Variants in SNTG1 observed in about 807,000 individuals in gnomAD.
The protein encoded by SNTG1 is gamma-1-syntrophin.
A neutral mutation model predicts 74.7 loss-of-function variants in SNTG1; 39 were observed. The observed-to-expected ratio is 0.52, with a 90% CI of 0.40 to 0.68. SNTG1 has a LOEUF of 0.68. Ranked by LOEUF, SNTG1 falls within the 30% of genes least tolerant of loss-of-function variation. SNTG1 has a pLI of 0.00. For synonymous variants in SNTG1, 254 were observed against 217.1 expected, an observed-to-expected ratio of 1.17 and a Z score of -1.49; for missense variants, 685 against 609.5, an observed-to-expected ratio of 1.12 and a Z score of -1.30.
At chr8:50,452,278 A>C (rs1436343737) in intron 8 of SNTG1, among the ~76,000 whole-genome samples, 8 of 152,226 alleles carry the variant, frequency 5.3e-5, no homozygotes, top group African/African-American at 1.9e-4. Context: ...GTTTCCTACA[A>C]ATATGTGCAA....
At chr8:50,642,413 C>T (rs1048486916) in intron 13 of SNTG1, among the ~76,000 whole-genome samples, 4 of 152,148 alleles carry the variant, frequency 2.6e-5, no homozygotes, top group Admixed American at 1.3e-4. Context: ...CAATGGCTTG[C>T]AGGGTGACTC....
At chr8:49,983,901 G>A (rs879659159) in intron 1 of SNTG1, among the ~76,000 whole-genome samples, 3 of 152,186 alleles carry the variant, frequency 2.0e-5, no homozygotes, top group Non-Finnish European at 4.4e-5. Context: ...TGAATGGGGG[G>A]TACTGTTATC....
intron 2 of SNTG1, among the ~76,000 whole-genome samples, chr8:50,222,815 T>C (rs2085137160): frequency 6.6e-6 from 1 of 152,142 alleles, no homozygotes; most frequent in Non-Finnish European, 1.5e-5. Context: ...TGACCACAGT[T>C]GCAGACAGAA....
chr8:50,500,443 A>G (rs1175358702), intron 8 of SNTG1, among the ~76,000 whole-genome samples: 1 of 152,120 alleles, frequency 6.6e-6, no homozygotes, highest in Non-Finnish European at 1.5e-5. Context: ...TTTTCACTTG[A>G]ATCAAAAAGC....
At position 50,631,531 on chromosome 8, in the gene SNTG1, G is replaced by A. The variant is rs559745418; in HGVS notation, c.850-25378G>A. On this transcript the variant is annotated intron_variant, in intron 13 of 18. Coordinates refer to ENST00000642720, the MANE Select transcript of SNTG1 (RefSeq NM_018967.5). ...AATTAACAGTGAATGACTCTGAATC[G>A]CAAAACCAAAGGACTTATTCAAGGG... 4.3e-3 allele frequency among the ~76,000 whole-genome samples: 656 copies of A among 152,140 alleles called. 9 individuals carry two copies. The highest frequency in any genetic ancestry group is 0.014 in the African/African-American group (589 of 41,508).
chr8:50,086,311 C>T (rs1822881448), intron 1 of SNTG1, among the ~76,000 whole-genome samples: 1 of 151,942 alleles, frequency 6.6e-6, no homozygotes, highest in Non-Finnish European at 1.5e-5. Context: ...ACCATGGGTA[C>T]AGAGGAAGAA....
intron 18 of SNTG1, among the ~76,000 whole-genome samples, chr8:50,763,265 T>G (rs998463206): frequency 5.3e-5 from 8 of 151,882 alleles, no homozygotes; most frequent in Admixed American, 5.3e-4. Flanking sequence ...GGGTAGAAAC[T>G]TCTAGGTTCT....
intron 1 of SNTG1, among the ~76,000 whole-genome samples, chr8:49,960,281 G>A (rs1330525987): frequency 6.6e-6 from 1 of 152,104 alleles, no homozygotes; most frequent in Non-Finnish European, 1.5e-5. Flanking sequence ...AATATCTATT[G>A]AGCATAAATA....
chr8:50,022,473 G>A (rs143912781), intron 1 of SNTG1, among the ~76,000 whole-genome samples: 1 of 152,248 alleles, frequency 6.6e-6, no homozygotes, highest in African/African-American at 2.4e-5. Context: ...GGGATTCCAG[G>A]GAAAGTAGAA....
At chr8:50,707,037 C>G (rs576193864) in intron 16 of SNTG1, among the ~76,000 whole-genome samples, 1 of 151,888 alleles carries the variant, frequency 6.6e-6, no homozygotes, top group African/African-American at 2.4e-5. Context: ...CAATATTAAA[C>G]ATATTAACTA....
intron 2 of SNTG1, among the ~76,000 whole-genome samples, chr8:50,327,260 G>A (rs78936880): frequency 0.052 from 7,958 of 152,194 alleles, 242 homozygotes; most frequent in Middle Eastern, 0.12. Flanking sequence ...TGGTAGAGGG[G>A]TGTTTAAGTT....
intron 1 of SNTG1, among the ~76,000 whole-genome samples, chr8:49,929,387 C>A (rs1807342840): frequency 1.3e-5 from 2 of 152,228 alleles, no homozygotes; most frequent in Admixed American, 6.5e-5. Context: ...GAAGGCAAGC[C>A]CGCATCTATG....
intron 1 of SNTG1, among the ~76,000 whole-genome samples, chr8:50,004,444 C>G (rs535335098): frequency 6.6e-6 from 1 of 152,082 alleles, no homozygotes; most frequent in Non-Finnish European, 1.5e-5. Flanking sequence ...TAAATATTTT[C>G]CAGAATCTAG....
intron 16 of SNTG1, 166 bp from the exon 17 acceptor site, chr8:50,708,720 T>G: frequency 3.5e-6 from 2 of 574,930 alleles, no homozygotes; most frequent in Non-Finnish European, 3.1e-6. Flanking sequence ...TCAGCTTCTG[T>G]TTCATTAACA....
At chr8:50,780,648 A>T (rs961766140) in intron 18 of SNTG1, among the ~76,000 whole-genome samples, 1 of 152,150 alleles carries the variant, frequency 6.6e-6, no homozygotes, top group African/African-American at 2.4e-5. Context: ...TCTTTTCAAA[A>T]AACCAGCTCC....
Position 50,511,511 on chromosome 8 carries a change from G to A in SNTG1, c.466+8631G>A, listed in dbSNP as rs115727187. On this transcript the variant is annotated intron_variant, in intron 9 of 18. Transcript: ENST00000642720. ...CATTGACCTGTCTCATGTTGACAGC[G>A]TAGTGTTAAAGTCTCCCATTATTAT... Among the ~76,000 whole-genome samples the A allele has an allele frequency of 4.5e-3, 679 of 152,272 alleles. 4 individuals are homozygous for A. The highest frequency in any genetic ancestry group is 0.016 in the African/African-American group (647 of 41,548).
At chr8:50,063,692 G>T (rs1820666321) in intron 1 of SNTG1, among the ~76,000 whole-genome samples, 1 of 151,174 alleles carries the variant, frequency 6.6e-6, no homozygotes, top group Admixed American at 6.6e-5. Context: ...CTTTTCTCCT[G>T]GAAACCATTG....
At chr8:49,921,059 C>T (rs1806495434) in intron 1 of SNTG1, among the ~76,000 whole-genome samples, 1 of 151,940 alleles carries the variant, frequency 6.6e-6, no homozygotes, top group Admixed American at 6.6e-5. Flanking sequence ...GTGAAGAACC[C>T]ATTAATTTTA....
chr8:50,215,594 A>T (rs1231925994), intron 2 of SNTG1, among the ~76,000 whole-genome samples: 2 of 151,276 alleles, frequency 1.3e-5, no homozygotes, highest in Admixed American at 1.3e-4. Flanking sequence ...TTAGGTTTAT[A>T]ACAAAGGTGA....
Sources: gnomAD v4.1 joint callset for allele counts (sites outside exome capture counted in the v4.1 genomes callset) on GRCh38, gnomAD v4.1.1 for gene constraint, MANE v1.5 for transcripts, NCBI Gene and HGNC (gene_info 2026-07-23, HGNC 2026-07-21) for gene names.